Variants in P3H2 observed in about 807,000 individuals in gnomAD.
P3H2 encodes prolyl 3-hydroxylase 2.
P3H2 carries 80 observed loss-of-function variants against 87.0 expected under a neutral mutation model. The observed-to-expected ratio is 0.92, with a 90% confidence interval of 0.77 to 1.11. The LOEUF is 1.11. P3H2 is among the 50% of genes least tolerant of loss of function. P3H2 has a pLI of 0.00. For synonymous variants in P3H2, 367 were observed against 359.3 expected, an observed-to-expected ratio of 1.02 and a Z score of -0.24; for missense variants, 1,001 against 923.9, an observed-to-expected ratio of 1.08 and a Z score of -1.08.
At chr3:189,977,549 T>C (rs2108912159) in intron 8 of P3H2, among the ~76,000 whole-genome samples, 1 of 152,298 alleles carries the variant, frequency 6.6e-6, no homozygotes. Flanking sequence ...TAAATGGATA[T>C]TTTCATAAGC....
At chr3:190,070,596 T>A (rs1726668146) in intron 1 of P3H2, among the ~76,000 whole-genome samples, 1 of 152,164 alleles carries the variant, frequency 6.6e-6, no homozygotes, top group Non-Finnish European at 1.5e-5. Context: ...CACAGTTCCA[T>A]CAAAGAGGCA....
chr3:189,983,017 T>G (rs756998833), intron 8 of P3H2, 29 bp downstream of exon 8: 1 of 1,547,062 alleles, frequency 6.5e-7, no homozygotes, highest in Non-Finnish European at 8.9e-7. Context: ...TTCCCCTCCT[T>G]TATAGGGTAA....
At chr3:190,082,937 T>C (rs1311757589) in intron 1 of P3H2, among the ~76,000 whole-genome samples, 1 of 152,186 alleles carries the variant, frequency 6.6e-6, no homozygotes, top group Non-Finnish European at 1.5e-5. Context: ...AATAAAATTA[T>C]ATCATACTCA....
chr3:190,070,392 T>G (rs1726662101), intron 1 of P3H2, among the ~76,000 whole-genome samples: 1 of 152,098 alleles, frequency 6.6e-6, no homozygotes, highest in Non-Finnish European at 1.5e-5. Flanking sequence ...AAGCATCAGG[T>G]TCAACTTTCT....
At chr3:189,994,657 G>GT (rs1204586892) in intron 2 of P3H2, among the ~76,000 whole-genome samples, 3 of 63,728 alleles carry the variant, frequency 4.7e-5, no homozygotes, top group African/African-American at 1.3e-4. Context: ...CCCTGCCTGT[G>GT]TTTTTTGTTT....
At chr3:189,967,367 A>G (rs556514459) in intron 13 of P3H2, among the ~76,000 whole-genome samples, 2 of 150,350 alleles carry the variant, frequency 1.3e-5, no homozygotes, top group Non-Finnish European at 3.0e-5. Context: ...CACATCTTTA[A>G]AAAGTAGAAT....
At chr3:189,958,072 C>T in intron 14 of P3H2, 68 bp from the exon 15 acceptor site, 1 of 1,120,356 alleles carries the variant, frequency 8.9e-7, no homozygotes, top group Non-Finnish European at 1.4e-6. Context: ...CAGACGCTTC[C>T]CAAACACTTC....
chr3:190,013,873 A>C (rs1724670596), intron 1 of P3H2, among the ~76,000 whole-genome samples: 1 of 152,254 alleles, frequency 6.6e-6, no homozygotes, highest in Admixed American at 6.5e-5. Context: ...TATTACACTG[A>C]GATCAAGAAT....
chr3:190,105,037 A>G (rs1217743341), intron 1 of P3H2, among the ~76,000 whole-genome samples: 1 of 152,240 alleles, frequency 6.6e-6, no homozygotes, highest in Non-Finnish European at 1.5e-5. Flanking sequence ...AAAGACTTTA[A>G]TGATCCTTTC....
rs1358055436 is a variant in P3H2, at chr3:189,956,841, T to G, written c.*1071A>C. The G allele has an allele frequency of 2.4e-5, 8 of 332,826 alleles. No homozygotes were observed. Among genetic ancestry groups the G allele is most frequent in the Non-Finnish European group, 3.2e-5 (6 of 185,502 alleles). 20.6% of individuals were successfully genotyped at this position (332,826 alleles called of 1,614,324 possible). On this transcript the variant is annotated 3_prime_UTR_variant, in exon 15 of 15. Coordinates refer to ENST00000319332, the MANE Select transcript of P3H2 (RefSeq NM_018192.4). ...ATAAGCAGATGACGGTTAAAATCAA[T>G]CAGAAATTTATTTTTCTTATGTAAG... is the stretch of plus-strand genomic sequence containing the variant.
chr3:190,026,209 A>T (rs1725080150), intron 1 of P3H2, among the ~76,000 whole-genome samples: 1 of 152,112 alleles, frequency 6.6e-6, no homozygotes, highest in South Asian at 2.1e-4. Flanking sequence ...TTAAAAGTCA[A>T]ATTTTGGGGA....
intron 1 of P3H2, among the ~76,000 whole-genome samples, chr3:190,105,416 T>TA (rs1284711416): frequency 2.0e-5 from 3 of 152,212 alleles, no homozygotes; most frequent in Non-Finnish European, 4.4e-5. Context: ...TTTTCTTCAT[T>TA]AGCTTACTCA....
At chr3:190,029,449 CTGATAATCCTCTAGAAG>C (rs1312274470) in intron 1 of P3H2, among the ~76,000 whole-genome samples, 1 of 152,072 alleles carries the variant, frequency 6.6e-6, no homozygotes, top group Non-Finnish European at 1.5e-5. Flanking sequence ...GCTGTCACAA[CTGATAATCCTCTAGAAG>C]TATCAACAGG....
chr3:189,957,856 G>C lies in P3H2; in HGVS notation c.*56C>G. On this transcript the variant is annotated 3_prime_UTR_variant, in exon 15 of 15. Transcript: ENST00000319332. ...CATGGCTCTGTACAAAAATAAAAAG[G>C]TTCTCATAAGATTAACAATTTAAAT... The C allele has an allele frequency of 8.2e-7, 1 of 1,221,110 alleles. No homozygotes were observed. The highest frequency in any genetic ancestry group is 1.2e-6 in the Non-Finnish European group (1 of 828,666). 75.6% of individuals were successfully genotyped at this position (1,221,110 alleles called of 1,614,324 possible). A position where few individuals can be genotyped will look rare whatever the true frequency, so the allele number is the denominator to read the frequency against.
At chr3:189,976,160 T>C (rs1211978679) in intron 8 of P3H2, among the ~76,000 whole-genome samples, 3 of 152,204 alleles carry the variant, frequency 2.0e-5, no homozygotes, top group African/African-American at 7.2e-5. Flanking sequence ...TTCCTTATAG[T>C]ACTGTTGGTG....
chr3:190,111,808 C>T (rs1196577701), intron 1 of P3H2, among the ~76,000 whole-genome samples: 2 of 152,146 alleles, frequency 1.3e-5, no homozygotes, highest in East Asian at 3.8e-4. Context: ...TGCATGGATT[C>T]TTGCCATAAA....
intron 13 of P3H2, among the ~76,000 whole-genome samples, chr3:189,966,473 C>T (rs1171725271): frequency 6.6e-6 from 1 of 152,178 alleles, no homozygotes. Flanking sequence ...TGATTATAGC[C>T]GTGGATTCAC....
intron 1 of P3H2, among the ~76,000 whole-genome samples, chr3:190,007,014 ATCTC>A (rs1300911197): frequency 6.6e-6 from 1 of 152,236 alleles, no homozygotes; most frequent in Non-Finnish European, 1.5e-5. Flanking sequence ...ATAAAAATAT[ATCTC>A]TCTTATTCCA....
At chr3:189,989,109 A>T in intron 3 of P3H2, 71 bp from the exon 4 acceptor site, 1 of 1,577,710 alleles carries the variant, frequency 6.3e-7, no homozygotes, top group Non-Finnish European at 8.7e-7. Flanking sequence ...TCACAGCCAC[A>T]GTTACACAGG....
Sources: gnomAD v4.1 joint callset for allele counts (sites outside exome capture counted in the v4.1 genomes callset) on GRCh38, gnomAD v4.1.1 for gene constraint, MANE v1.5 for transcripts, NCBI Gene and HGNC (gene_info 2026-07-23, HGNC 2026-07-21) for gene names.